Variants in PTPRT observed in about 807,000 individuals in gnomAD.
The protein encoded by PTPRT is protein tyrosine phosphatase receptor type T.
Under a neutral mutation model 176.8 loss-of-function variants are expected in PTPRT, and 56 were observed. The observed-to-expected ratio is 0.32, with a 90% CI of 0.26 to 0.40. PTPRT has a LOEUF of 0.40. PTPRT is among the 10% of genes least tolerant of loss of function. The probability of loss-of-function intolerance (pLI) is 1.00; values close to 1 mark genes in which losing one functional copy is unlikely to be tolerated. For synonymous variants in PTPRT, 783 were observed against 739.0 expected (o/e 1.06, Z -0.96); for missense variants, 1,540 against 1,908.2 (o/e 0.81, Z 3.60).
In PTPRT at chr20:42,098,964, C is replaced by G. The variant is rs370013686; in HGVS notation, c.3715-412G>C. Among the ~76,000 whole-genome samples, 5 of 152,228 alleles carry G rather than the reference C, an allele frequency of 3.3e-5. No homozygotes were observed. In the South Asian group the frequency reaches 8.3e-4, roughly 25 times the overall value. ...GCGAGGTTTTGGGTCGGCCTGAGGC[C>G]GAGATTCTCCCAAAGGGGCAGGCTC... On this transcript the variant is annotated intron_variant, in intron 26 of 30. Coordinates refer to ENST00000373187, the MANE Select transcript of PTPRT (RefSeq NM_007050.6).
rs562114947 is a variant in PTPRT, at chr20:42,084,843, T to C, written c.3975A>G (p.Pro1325=). The change falls in exon 29 of 31, where the codon CCA becomes CCG. Residue 1325 remains proline (P), a splice_region_variant and synonymous_variant. Transcript: ENST00000373187. ...GCTGGACTATACGATAACCATCCTG[T>C]GGCTGAGAACAGAGAGGCTGTTAGG... ...RIFRICNMAR[P]QDGYRIVQHL... 8.4e-6 allele frequency: 12 copies of C among 1,428,734 alleles called. 1 individual carries two copies. The South Asian group carries it at 2.2e-4, about 26-fold the overall frequency. 88.5% of individuals were successfully genotyped at this position (1,428,734 alleles called of 1,614,324 possible).
Position 42,352,282 on chromosome 20 carries a change from T to A in PTPRT, c.1564A>T (p.Asn522Tyr). The stretch of plus-strand genomic sequence containing the variant: ...TCCAGCGAGCCGACAGCCTTGTAGT[T>A]GATCTGTAGGACAAGCCAGCAAACA... Reference protein sequence around the residue: ...TNGVITLYEINYKAVGSLDPS... With the variant: ...TNGVITLYEIYYKAVGSLDPS... The change falls in exon 10 of 31, where the codon AAC becomes TAC. Residue 522 changes from asparagine to tyrosine, a missense_variant. Coordinates refer to ENST00000373187, the MANE Select transcript of PTPRT (RefSeq NM_007050.6). 1 of 1,614,122 alleles carries A rather than the reference T, an allele frequency of 6.2e-7. No individual in the cohort carries two copies. Among genetic ancestry groups the A allele is most frequent in the Non-Finnish European group, 8.5e-7 (1 of 1,180,006 alleles).
At chr20:42,171,116 C>T (rs557599383) in intron 16 of PTPRT, among the ~76,000 whole-genome samples, 9 of 152,142 alleles carry the variant, frequency 5.9e-5, no homozygotes, top group African/African-American at 1.2e-4. Context: ...TTTTCATTTG[C>T]GAAGCTACAG....
rs1480440466 is a variant in PTPRT at position 42,496,107 on chromosome 20, AG to A, written c.1154-23546del. Among the ~76,000 whole-genome samples the A allele has an allele frequency of 1.3e-4, 20 of 152,240 alleles. No individual in the cohort carries two copies. In the East Asian group the frequency reaches 3.7e-3, roughly 28 times the overall value. ...GAGAAAATCTATTTACTATTCATTA[AG>A]GGGAAGTGGATCATCATAAAGCTCT... On this transcript the variant is annotated intron_variant, in intron 7 of 30. Transcript: ENST00000373187.
intron 15 of PTPRT, among the ~76,000 whole-genome samples, chr20:42,213,244 A>T (rs2055688758): frequency 1.3e-5 from 1 of 74,408 alleles, no homozygotes; most frequent in East Asian, 4.9e-4. Context: ...CCACCGAAGT[A>T]GGTGGGCCCA....
At chr20:42,096,764 T>TAA (rs1568924910) in intron 27 of PTPRT, among the ~76,000 whole-genome samples, 1 of 134,744 alleles carries the variant, frequency 7.4e-6, no homozygotes, top group Non-Finnish European at 1.7e-5. Context: ...AAATTTTTTT[T>TAA]TTTTTTTTTT....
At chr20:42,060,189 T>C in the PTPRT span, among the ~76,000 whole-genome samples, 2 of 152,180 alleles carry the variant, frequency 1.3e-5, no homozygotes, top group South Asian at 2.1e-4. Context: ...TTGTTACTAG[T>C]AGACCCAGAG....
At chr20:42,483,226 C>T (rs1047800035) in intron 7 of PTPRT, among the ~76,000 whole-genome samples, 3 of 152,250 alleles carry the variant, frequency 2.0e-5, no homozygotes, top group South Asian at 4.2e-4. Flanking sequence ...AGTTCAGTGG[C>T]GTGATCTTGG....
At chr20:42,062,519 G>A in the PTPRT span, among the ~76,000 whole-genome samples, 14 of 152,172 alleles carry the variant, frequency 9.2e-5, no homozygotes, top group Admixed American at 4.6e-4. Flanking sequence ...GGTTTTATCC[G>A]CTTTCAGAGT....
At chr20:42,208,134 T>G (rs1218678767) in intron 15 of PTPRT, among the ~76,000 whole-genome samples, 3 of 124,800 alleles carry the variant, frequency 2.4e-5, no homozygotes, top group African/African-American at 9.8e-5. Flanking sequence ...AAAGAGCTCC[T>G]GAAGGAAGCG....
the PTPRT span, among the ~76,000 whole-genome samples, chr20:42,065,003 C>A: frequency 1.3e-5 from 2 of 152,168 alleles, no homozygotes; most frequent in Non-Finnish European, 2.9e-5. Context: ...GCTGAAGAGG[C>A]CACATGAAGG....
At chr20:42,680,263 G>A (rs1427836837) in intron 6 of PTPRT, among the ~76,000 whole-genome samples, 1 of 152,140 alleles carries the variant, frequency 6.6e-6, no homozygotes, top group Admixed American at 6.5e-5. Context: ...AATCTTAAGG[G>A]ACAACTCCAG....
intron 21 of PTPRT, 94 bp downstream of exon 21, chr20:42,118,309 A>T: frequency 9.0e-7 from 1 of 1,112,344 alleles, no homozygotes; most frequent in Non-Finnish European, 1.3e-6. Context: ...TGAAATACTG[A>T]CTAGGAGGCA....
At chr20:42,096,587 C>G (rs114420437) in intron 27 of PTPRT, among the ~76,000 whole-genome samples, 5,816 of 151,650 alleles carry the variant, frequency 0.038, 184 homozygotes, top group Middle Eastern at 0.065. Context: ...CGGGATGACA[C>G]AGTAAGAGTC....
chr20:42,987,002 T>G (rs1299653087), intron 1 of PTPRT, among the ~76,000 whole-genome samples: 2 of 152,166 alleles, frequency 1.3e-5, no homozygotes, highest in African/African-American at 2.4e-5. Context: ...GACTCCCGCT[T>G]CAGCGGTTCC....
chr20:42,642,376 G>C (rs538944886), intron 7 of PTPRT, among the ~76,000 whole-genome samples: 1 of 152,302 alleles, frequency 6.6e-6, no homozygotes, highest in South Asian at 2.1e-4. Flanking sequence ...GACGTTGACA[G>C]AGTTATGGAC....
chr20:42,296,398 A>G (rs1449290516), intron 12 of PTPRT, among the ~76,000 whole-genome samples: 1 of 151,712 alleles, frequency 6.6e-6, no homozygotes, highest in Non-Finnish European at 1.5e-5. Context: ...GTGAGCTGAG[A>G]TCACACCACT....
At chr20:42,947,028 G>T (rs1980925870) in intron 1 of PTPRT, among the ~76,000 whole-genome samples, 1 of 152,146 alleles carries the variant, frequency 6.6e-6, no homozygotes, top group South Asian at 2.1e-4. Context: ...GCTACAGGGA[G>T]ATTTCTGACT....
At chr20:42,403,841 C>T (rs889963333) in intron 9 of PTPRT, among the ~76,000 whole-genome samples, 1 of 152,138 alleles carries the variant, frequency 6.6e-6, no homozygotes, top group Non-Finnish European at 1.5e-5. Flanking sequence ...GTGACCTATT[C>T]TCACTACTCG....
Sources: allele counts gnomAD v4.1 joint callset (sites outside exome capture counted in the v4.1 genomes callset), GRCh38; gene constraint gnomAD v4.1.1; transcripts MANE v1.5; gene names NCBI Gene and HGNC (gene_info 2026-07-23, HGNC 2026-07-21).